The following TTC29 variants were observed in gnomAD, a reference collection of about 807,000 sequenced individuals.
TTC29 encodes the protein tetratricopeptide repeat domain 29, also known as tetratricopeptide repeat protein 29.
Under a neutral mutation model 58.1 loss-of-function variants are expected in TTC29, and 49 were observed. The observed-to-expected ratio is 0.84, with a 90% CI of 0.67 to 1.07. TTC29 has a LOEUF of 1.07. TTC29 is among the 50% of genes least tolerant of loss of function. The pLI is 0.00. For synonymous variants in TTC29, 209 were observed against 196.8 expected (o/e 1.06, Z -0.52); for missense variants, 582 against 555.6 (o/e 1.05, Z -0.48).
intron 4 of TTC29, among the ~76,000 whole-genome samples, chr4:146,917,617 A>AAATTATATATTATTTATATAATATC (rs1250048875): frequency 1.4e-5 from 2 of 143,152 alleles, no homozygotes; most frequent in East Asian, 2.1e-4. Context: ...TTTATAATAT[A>AAATTATATATTATTTATATAATATC]TAATTAGATA....
intron 9 of TTC29, among the ~76,000 whole-genome samples, chr4:146,824,529 T>G (rs764877195): frequency 2.6e-4 from 39 of 151,254 alleles, no homozygotes; most frequent in South Asian, 1.0e-3. Context: ...ATTTTCACAT[T>G]GATGTTCATC....
At chr4:146,826,398 A>T (rs1464345904) in intron 9 of TTC29, among the ~76,000 whole-genome samples, 1 of 152,108 alleles carries the variant, frequency 6.6e-6, no homozygotes, top group Non-Finnish European at 1.5e-5. Flanking sequence ...GAAATTCTGG[A>T]TTGAAAATTA....
At chr4:146,718,905 A>C (rs377200939) in intron 11 of TTC29, among the ~76,000 whole-genome samples, 1 of 152,234 alleles carries the variant, frequency 6.6e-6, no homozygotes, top group East Asian at 1.9e-4. Flanking sequence ...TTAAGGTTCA[A>C]ATTTCATTCT....
Position 146,902,236 on chromosome 4 carries a change from C to T in TTC29, c.586+1308G>A, listed in dbSNP as rs61174182. Among the ~76,000 whole-genome samples the T allele has an allele frequency of 2.5e-3, 378 of 152,208 alleles. 2 individuals carry two copies. The highest frequency in any genetic ancestry group is 8.6e-3 in the African/African-American group (359 of 41,530). ...CACTCCTTTCCTTGCCCTCCGTGTACAGAAGCTTAAGTCCAAGCTCTGACT... is the reference window on the plus strand; with the variant it reads ...CACTCCTTTCCTTGCCCTCCGTGTATAGAAGCTTAAGTCCAAGCTCTGACT... On this transcript the variant is annotated intron_variant, in intron 6 of 12. Coordinates refer to ENST00000325106, the MANE Select transcript of TTC29 (RefSeq NM_031956.4).
At chr4:146,801,752 A>T (rs1172318373) in intron 11 of TTC29, among the ~76,000 whole-genome samples, 1 of 152,006 alleles carries the variant, frequency 6.6e-6, no homozygotes, top group Non-Finnish European at 1.5e-5. Flanking sequence ...CAAGATGGGT[A>T]GATCATGCGA....
At chr4:146,741,583 A>G (rs1000432540) in intron 11 of TTC29, among the ~76,000 whole-genome samples, 2 of 151,810 alleles carry the variant, frequency 1.3e-5, no homozygotes, top group African/African-American at 2.4e-5. Flanking sequence ...GATTATTGCA[A>G]TAACTCTTAA....
At chr4:146,707,457 T>A (rs752879376) in intron 12 of TTC29, 28 bp downstream of exon 12, 2 of 1,571,814 alleles carry the variant, frequency 1.3e-6, no homozygotes, top group Non-Finnish European at 1.7e-6. Flanking sequence ...GGGTACTTAA[T>A]AGAAACTTTT....
intron 2 of TTC29, among the ~76,000 whole-genome samples, chr4:146,944,824 AC>A (rs1736773643): frequency 6.7e-6 from 1 of 150,342 alleles, no homozygotes; most frequent in South Asian, 2.1e-4. Context: ...AAAAAAAAAA[AC>A]ATAATTAAGT....
chr4:146,752,513 G>T lies in TTC29; in HGVS notation c.1331-44962C>A, dbSNP rs546437773. Among the ~76,000 whole-genome samples, 301 of 151,842 alleles carry T rather than the reference G, an allele frequency of 2.0e-3. 6 individuals are homozygous for T. The highest frequency in any genetic ancestry group is 4.3e-4 in the Non-Finnish European group (29 of 67,978). On this transcript the variant is annotated intron_variant, in intron 11 of 12. Coordinates refer to ENST00000325106, the MANE Select transcript of TTC29 (RefSeq NM_031956.4). ...ATAGATTCAGTGCCATCCCCATCAAGCTACCAATGCCTTTCTTCACAGAAT... is the reference window on the plus strand; with the variant it reads ...ATAGATTCAGTGCCATCCCCATCAATCTACCAATGCCTTTCTTCACAGAAT...
At chr4:146,761,668 A>G (rs1413695956) in intron 11 of TTC29, among the ~76,000 whole-genome samples, 1 of 124,580 alleles carries the variant, frequency 8.0e-6, no homozygotes, top group Non-Finnish European at 1.7e-5. Context: ...TAAACAGAGT[A>G]GTTTTTTTTT....
chr4:146,877,937 C>T (rs190449952), intron 6 of TTC29, among the ~76,000 whole-genome samples: 4 of 152,208 alleles, frequency 2.6e-5, no homozygotes, highest in Admixed American at 2.6e-4. Context: ...GGGGAGGTGA[C>T]AGGAGGGTCA....
In TTC29 at chr4:146,833,810, G is replaced by T. The variant is rs1375532161; in HGVS notation, c.973C>A (p.Gln325Lys). ...GATGAGAATGTGCTAACTTACCTCTGCAGGACCTTGGCTATGGCTTCATAG... is the reference window on the plus strand; with the variant it reads ...GATGAGAATGTGCTAACTTACCTCTTCAGGACCTTGGCTATGGCTTCATAG... ...RGYEAIAKVLQSQGEMTEAIK... is the reference protein window; with the variant it reads ...RGYEAIAKVLKSQGEMTEAIK... The change falls in exon 9 of 13, where the codon CAG becomes AAG. Residue 325 changes from glutamine to lysine, a missense_variant. Physicochemically the swap from Gln to Lys is moderately conservative, Grantham distance 53. Coordinates refer to ENST00000325106, the MANE Select transcript of TTC29 (RefSeq NM_031956.4). The T allele has an allele frequency of 6.8e-6, 11 of 1,612,164 alleles. No individual in the cohort carries two copies. The highest frequency in any genetic ancestry group is 1.3e-5 in the African/African-American group (1 of 74,880).
intron 9 of TTC29, among the ~76,000 whole-genome samples, chr4:146,821,541 T>C (rs1751826482): frequency 6.6e-6 from 1 of 152,162 alleles, no homozygotes; most frequent in African/African-American, 2.4e-5. Context: ...CATATACAAG[T>C]GTTACATATC....
At chr4:146,868,961 A>T (rs774077856) in intron 7 of TTC29, among the ~76,000 whole-genome samples, 4 of 151,798 alleles carry the variant, frequency 2.6e-5, no homozygotes, top group Non-Finnish European at 5.9e-5. Flanking sequence ...AGAGCCTACC[A>T]TCTCTCTTAC....
intron 6 of TTC29, among the ~76,000 whole-genome samples, chr4:146,891,362 T>G (rs1732349259): frequency 6.6e-6 from 1 of 152,200 alleles, no homozygotes. Flanking sequence ...GGAGAAAGGC[T>G]ATAGAGCTAT....
intron 11 of TTC29, among the ~76,000 whole-genome samples, chr4:146,762,884 T>G (rs959573283): frequency 3.9e-5 from 6 of 152,162 alleles, no homozygotes; most frequent in Admixed American, 1.3e-4. Context: ...ATTTACAATG[T>G]GACAACCCAA....
chr4:146,850,177 A>T (rs111796053), intron 8 of TTC29, among the ~76,000 whole-genome samples: 4 of 152,234 alleles, frequency 2.6e-5, no homozygotes, highest in African/African-American at 9.6e-5. Context: ...GTGCTCCAAA[A>T]CTATGTTCTT....
At chr4:146,747,816 G>T (rs1194533434) in intron 11 of TTC29, among the ~76,000 whole-genome samples, 3 of 152,204 alleles carry the variant, frequency 2.0e-5, no homozygotes, top group African/African-American at 7.2e-5. Flanking sequence ...GGAAATAGAA[G>T]CTTGACTTAG....
At chr4:146,810,144 T>A (rs1395244336) in intron 10 of TTC29, among the ~76,000 whole-genome samples, 1 of 152,158 alleles carries the variant, frequency 6.6e-6, no homozygotes, top group African/African-American at 2.4e-5. Context: ...ACTATCATTC[T>A]CAGCAAACAC....
Sources: gnomAD v4.1 joint callset for allele counts (sites outside exome capture counted in the v4.1 genomes callset) on GRCh38, gnomAD v4.1.1 for gene constraint, MANE v1.5 for transcripts, NCBI Gene and HGNC (gene_info 2026-07-23, HGNC 2026-07-21) for gene names.